SPPL2C: variants seen among roughly 807,000 people sequenced by gnomAD.
The protein encoded by SPPL2C is signal peptide peptidase like 2C.
In SPPL2C, 33 loss-of-function variants were observed where a neutral mutation model predicts 38.8. That is an observed-to-expected ratio of 0.85 (90% CI 0.64 to 1.14). SPPL2C has a LOEUF of 1.14. SPPL2C is among the 50% of genes most tolerant of loss of function. SPPL2C has a pLI of 0.00. For missense variants in SPPL2C, 899 were observed against 904.4 expected (o/e 0.99, Z 0.08); for synonymous variants, 384 against 390.7 (o/e 0.98, Z 0.20).
At position 45,845,809 on chromosome 17, in the gene SPPL2C, G is replaced by A; in HGVS notation, c.903G>A (p.Val301=). 6.2e-7 allele frequency: 1 copy of A among 1,609,058 alleles called. No homozygotes were observed. The highest frequency in any genetic ancestry group is 8.5e-7 in the Non-Finnish European group (1 of 1,179,960). ...TCTACAGCTGCCTGTCACCCCTGGT[G>A]TGCCGCCTGTCCCTGCGGCAATACC... The part of the protein sequence containing the change: ...IGLYSCLSPL[V]CRLSLRQYQR... The change falls in exon 1 of 1, where the codon GTG becomes GTA. Residue 301 remains valine, a synonymous_variant. Coordinates refer to ENST00000329196, the MANE Select transcript of SPPL2C (RefSeq NM_175882.3).
At position 45,846,296 on chromosome 17, in the gene SPPL2C, G is replaced by C. The variant is rs201357963; in HGVS notation, c.1390G>C (p.Val464Leu). The change falls in exon 1 of 1, where the codon GTG becomes CTG. Residue 464 changes from valine (V) to leucine (L), a missense_variant. Val to Leu is a conservative substitution (Grantham distance 32, BLOSUM62 1). Coordinates refer to ENST00000329196, the MANE Select transcript of SPPL2C (RefSeq NM_175882.3). ...FLVAYCCRFD[V>L]QVCSRQIYFV... ...GGTTGCTTACTGTTGCCGCTTTGAT[G>C]TGCAAGTCTGCTCCCGTCAGATCTA... 10 of 1,614,092 alleles carry C rather than the reference G, an allele frequency of 6.2e-6. No homozygotes were observed. Among genetic ancestry groups the C allele is most frequent in the Non-Finnish European group, 8.5e-6 (10 of 1,180,036 alleles).
At position 45,846,954 on chromosome 17, in the gene SPPL2C, C is replaced by A. The variant is rs887550579; in HGVS notation, c.2048C>A (p.Pro683His). Residue 683 changes from proline (P) to histidine (H), a missense_variant, in exon 1 of 1, where the codon CCC becomes CAC. Transcript: ENST00000329196. ...AGAAAGAGCATGTCGACCCAGGCTC[C>A]CTTGTGAACTGGAGGCACTGGGACA... ...KVRKSMSTQA[P>H]L 2 of 1,560,240 alleles carry A rather than the reference C, an allele frequency of 1.3e-6. No homozygotes were observed. Among genetic ancestry groups the A allele is most frequent in the East Asian group, 4.5e-5 (2 of 44,208 alleles).
Position 45,845,423 on chromosome 17 carries a change from G to C in SPPL2C, c.517G>C (p.Val173Leu). 2 of 1,612,696 alleles carry C rather than the reference G, an allele frequency of 1.2e-6. No individual in the cohort carries two copies. The highest frequency in any genetic ancestry group is 1.7e-6 in the Non-Finnish European group (2 of 1,180,030). ...SHTRGEAVVR[V>L]AMYAPPEPII... Reference sequence around the variant, plus strand: ...CACTCGTGGGGAGGCCGTCGTCCGCGTGGCCATGTACGCACCCCCAGAGCC... The same window carrying C: ...CACTCGTGGGGAGGCCGTCGTCCGCCTGGCCATGTACGCACCCCCAGAGCC... Residue 173 changes from valine to leucine, a missense_variant, in exon 1 of 1, where the codon GTG becomes CTG. Coordinates refer to ENST00000329196, the MANE Select transcript of SPPL2C (RefSeq NM_175882.3).
At position 45,846,564 on chromosome 17, in the gene SPPL2C, CA is replaced by C; in HGVS notation, c.1659del (p.Asp554MetfsTer19). 6.2e-7 allele frequency: 1 copy of C among 1,613,252 alleles called. No individual in the cohort carries two copies. Among genetic ancestry groups the C allele is most frequent in the Non-Finnish European group, 8.5e-7 (1 of 1,180,012 alleles). On this transcript the variant is annotated frameshift_variant, in exon 1 of 1. Coordinates refer to ENST00000329196, the MANE Select transcript of SPPL2C (RefSeq NM_175882.3). LOFTEE classifies it high-confidence loss of function. ...AGSRQKQEGA[A>X]DAHTASTLER... ...TCTAGGCAGAAGCAGGAGGGCGCAG[CA>C]GATGCCCACACAGCCAGCACACTTG...
In SPPL2C at chr17:45,845,284, C is replaced by A. The variant is rs2143331543; in HGVS notation, c.378C>A (p.Asp126Glu). Residue 126 changes from aspartate (D) to glutamate (E), a missense_variant, in exon 1 of 1, where the codon GAC becomes GAA. By Grantham distance (45) the Asp-to-Glu change is conservative. Transcript: ENST00000329196. ...TGCTCATCGTGAGCCGGGTCAGTGA[C>A]CAACAGTGCTCAGACACCACCCTGG... ...HGLLIVSRVS[D>E]QQCSDTTLAP... The A allele has an allele frequency of 6.2e-7, 1 of 1,614,008 alleles. No homozygotes were observed. The highest frequency in any genetic ancestry group is 1.3e-5 in the African/African-American group (1 of 75,060).
In SPPL2C at chr17:45,845,981, T is replaced by A. The variant is rs2062540339; in HGVS notation, c.1075T>A (p.Tyr359Asn). The stretch of plus-strand genomic sequence containing the variant: ...CCTGCAGGACACACTGGGCATTTCC[T>A]ACTGCCTGTTCGTCCTGCACCGTGT... ...WLLQDTLGIS[Y>N]CLFVLHRVRL... Residue 359 changes from tyrosine to asparagine, a missense_variant, in exon 1 of 1, where the codon TAC becomes AAC. Coordinates refer to ENST00000329196, the MANE Select transcript of SPPL2C (RefSeq NM_175882.3). The A allele has an allele frequency of 6.2e-7, 1 of 1,612,612 alleles. No individual in the cohort carries two copies. The highest frequency in any genetic ancestry group is 8.5e-7 in the Non-Finnish European group (1 of 1,180,032).
In SPPL2C at chr17:45,846,506, A is replaced by G; in HGVS notation, c.1600A>G (p.Met534Val). ...LFWTGQGRAKMCGLGCAPSAG... is the reference protein window; with the variant it reads ...LFWTGQGRAKVCGLGCAPSAG... The stretch of plus-strand genomic sequence containing the variant: ...CTGGACTGGCCAGGGCAGAGCTAAG[A>G]TGTGTGGGCTCGGCTGTGCCCCTTC... The change falls in exon 1 of 1, where the codon ATG (methionine) becomes GTG (valine). Residue 534 changes from methionine (M) to valine (V), a missense_variant. Physicochemically the swap from Met to Val is conservative, Grantham distance 21 (BLOSUM62 1). Coordinates refer to ENST00000329196, the MANE Select transcript of SPPL2C (RefSeq NM_175882.3). The G allele has an allele frequency of 1.2e-6, 2 of 1,612,652 alleles. No homozygotes were observed. Among genetic ancestry groups the G allele is most frequent in the Non-Finnish European group, 1.7e-6 (2 of 1,179,990 alleles).
Position 45,845,738 on chromosome 17 carries a change from G to A in SPPL2C, c.832G>A (p.Val278Ile), listed in dbSNP as rs745379513. 6.2e-7 allele frequency: 1 copy of A among 1,613,362 alleles called. No individual in the cohort carries two copies. The highest frequency in any genetic ancestry group is 8.5e-7 in the Non-Finnish European group (1 of 1,180,036). The change falls in exon 1 of 1, where the codon GTC (valine) becomes ATC (isoleucine). Residue 278 changes from valine to isoleucine, a missense_variant. Physicochemically the swap from Val to Ile is conservative, Grantham distance 29. Coordinates refer to ENST00000329196, the MANE Select transcript of SPPL2C (RefSeq NM_175882.3). The stretch of plus-strand genomic sequence containing the variant: ...GCTCTACTTCTTCTATGACCACTTT[G>A]TCTATGTCACCATTGGGATCTTTGG... ...LLLYFFYDHF[V>I]YVTIGIFGLG...
Position 45,845,758 on chromosome 17 carries a change from C to A in SPPL2C, c.852C>A (p.Ile284=). ...YDHFVYVTIG[I]FGLGAGIGLY... is the part of the protein sequence containing the mutation. ...ACTTTGTCTATGTCACCATTGGGAT[C>A]TTTGGCCTGGGTGCTGGCATTGGCC... Residue 284 remains isoleucine, a synonymous_variant, in exon 1 of 1, where the codon ATC becomes ATA. Coordinates refer to ENST00000329196, the MANE Select transcript of SPPL2C (RefSeq NM_175882.3). 6.2e-7 allele frequency: 1 copy of A among 1,612,604 alleles called. No homozygotes were observed. Among genetic ancestry groups the A allele is most frequent in the Non-Finnish European group, 8.5e-7 (1 of 1,180,028 alleles).
In SPPL2C at chr17:45,846,039, T is replaced by C; in HGVS notation, c.1133T>C (p.Phe378Ser). 1 of 1,614,146 alleles carries C rather than the reference T, an allele frequency of 6.2e-7. No individual in the cohort carries two copies. The highest frequency in any genetic ancestry group is 8.5e-7 in the Non-Finnish European group (1 of 1,180,028). Residue 378 changes from phenylalanine to serine, a missense_variant, in exon 1 of 1, where the codon TTC (phenylalanine) becomes TCC (serine). By Grantham distance (155) the Phe-to-Ser change is radical. Coordinates refer to ENST00000329196, the MANE Select transcript of SPPL2C (RefSeq NM_175882.3). The stretch of plus-strand genomic sequence containing the variant: ...CCCACTCTCAAGAACTGCTCCTCCT[T>C]CCTGCTGGCCCTGCTGGCCTTTGAT... ...RLPTLKNCSS[F>S]LLALLAFDVF... is the part of the protein sequence containing the mutation.
At position 45,846,938 on chromosome 17, in the gene SPPL2C, A is replaced by T; in HGVS notation, c.2032A>T (p.Met678Leu). The change falls in exon 1 of 1, where the codon ATG (methionine) becomes TTG (leucine). Residue 678 changes from methionine (M) to leucine (L), a missense_variant. Coordinates refer to ENST00000329196, the MANE Select transcript of SPPL2C (RefSeq NM_175882.3). ...KRKGLKVRKSMSTQAPL is the reference protein window; with the variant it reads ...KRKGLKVRKSLSTQAPL ...GAAGGGTTTGAAAGTAAGAAAGAGCATGTCGACCCAGGCTCCCTTGTGAAC... is the reference window on the plus strand; with the variant it reads ...GAAGGGTTTGAAAGTAAGAAAGAGCTTGTCGACCCAGGCTCCCTTGTGAAC... The T allele has an allele frequency of 1.3e-6, 2 of 1,570,626 alleles. No homozygotes were observed. Among genetic ancestry groups the T allele is most frequent in the Non-Finnish European group, 1.7e-6 (2 of 1,159,806 alleles).
Position 45,845,626 on chromosome 17 carries a change from G to T in SPPL2C, c.720G>T (p.Gln240His), listed in dbSNP as rs754911177. 1 of 1,612,444 alleles carries T rather than the reference G, an allele frequency of 6.2e-7. No individual in the cohort carries two copies. The highest frequency in any genetic ancestry group is 8.5e-7 in the Non-Finnish European group (1 of 1,179,528). The change falls in exon 1 of 1, where the codon CAG becomes CAT. Residue 240 changes from glutamine (Q) to histidine (H), a missense_variant. By Grantham distance (24) the Gln-to-His change is conservative. Transcript: ENST00000329196. ...LQEAAAAEGA[Q>H]KEDNEDIPVD... ...AAGCTGCAGCAGCTGAGGGAGCCCA[G>T]AAGGAAGATAATGAGGACATCCCAG...
In SPPL2C at chr17:45,845,184, C is replaced by G; in HGVS notation, c.278C>G (p.Thr93Ser). The G allele has an allele frequency of 6.2e-7, 1 of 1,613,494 alleles. No homozygotes were observed. The highest frequency in any genetic ancestry group is 8.5e-7 in the Non-Finnish European group (1 of 1,179,570). Residue 93 changes from threonine to serine, a missense_variant, in exon 1 of 1, where the codon ACT becomes AGT. Physicochemically the swap from Thr to Ser is moderately conservative, Grantham distance 58 (BLOSUM62 1). Transcript: ENST00000329196. ...AGCCAGCGGCCCCTCCGCCAGACCA[C>G]TGCCATGGTCATGAGGGGTAACTGC... is the stretch of plus-strand genomic sequence containing the variant. The part of the protein sequence containing the change: ...SPSQRPLRQT[T>S]AMVMRGNCSF...
Position 45,846,769 on chromosome 17 carries a change from C to T in SPPL2C, c.1863C>T (p.Ala621=). The change falls in exon 1 of 1, where the codon GCC becomes GCT. Residue 621 remains alanine (A), a synonymous_variant. Coordinates refer to ENST00000329196, the MANE Select transcript of SPPL2C (RefSeq NM_175882.3). ...AGCTGCCCTTCATCCCCCCTGGGGC[C>T]TCGGAGGAGCTGATGCCACTGATGC... ...PNELPFIPPG[A]SEELMPLMPM... is the part of the protein sequence containing the mutation. The T allele has an allele frequency of 6.2e-7, 1 of 1,614,174 alleles. No homozygotes were observed. The highest frequency in any genetic ancestry group is 8.5e-7 in the Non-Finnish European group (1 of 1,180,042).
rs140590253 is a variant in SPPL2C, at chr17:45,846,797, A to G, written c.1891A>G (p.Met631Val). 1.2e-4 allele frequency: 193 copies of G among 1,614,042 alleles called. 2 individuals are homozygous for G. The East Asian group carries it at 4.3e-3, about 36-fold the overall frequency. Reference protein sequence around the residue: ...ASEELMPLMPMAMLIPLMPLM... With the variant: ...ASEELMPLMPVAMLIPLMPLM... ...GGAGGAGCTGATGCCACTGATGCCA[A>G]TGGCCATGCTGATCCCACTCATGCC... is the stretch of plus-strand genomic sequence containing the variant. The change falls in exon 1 of 1, where the codon ATG (methionine) becomes GTG (valine). Residue 631 changes from methionine to valine, a missense_variant. Transcript: ENST00000329196.
At position 45,846,515 on chromosome 17, in the gene SPPL2C, C is replaced by T; in HGVS notation, c.1609C>T (p.Leu537Phe). 2 of 1,612,538 alleles carry T rather than the reference C, an allele frequency of 1.2e-6. No individual in the cohort carries two copies. Among genetic ancestry groups the T allele is most frequent in the Non-Finnish European group, 1.7e-6 (2 of 1,180,014 alleles). Residue 537 changes from leucine (L) to phenylalanine (F), a missense_variant, in exon 1 of 1, where the codon CTC (leucine) becomes TTC (phenylalanine). Transcript: ENST00000329196. ...TGQGRAKMCG[L>F]GCAPSAGSRQ... ...CCAGGGCAGAGCTAAGATGTGTGGGCTCGGCTGTGCCCCTTCAGCTGGCTC... is the reference window on the plus strand; with the variant it reads ...CCAGGGCAGAGCTAAGATGTGTGGGTTCGGCTGTGCCCCTTCAGCTGGCTC...
Position 45,845,479 on chromosome 17 carries a change from C to T in SPPL2C, c.573C>T (p.Phe191=). The change falls in exon 1 of 1, where the codon TTC becomes TTT. Residue 191 remains phenylalanine (F), a synonymous_variant. Transcript: ENST00000329196. ...PIIDYNMLVI[F]ILAVGTVAAG... is the part of the protein sequence containing the mutation. ...TCGACTACAACATGCTGGTCATCTT[C>T]ATCCTGGCTGTGGGCACAGTGGCTG... 1.9e-6 allele frequency: 3 copies of T among 1,608,120 alleles called. No homozygotes were observed. Among genetic ancestry groups the T allele is most frequent in the Middle Eastern group, 1.7e-4 (1 of 6,056 alleles).
chr17:45,845,577 C>A lies in SPPL2C; in HGVS notation c.671C>A (p.Ser224Tyr), dbSNP rs770482116. Residue 224 changes from serine (S) to tyrosine (Y), a missense_variant, in exon 1 of 1, where the codon TCT becomes TAT. Coordinates refer to ENST00000329196, the MANE Select transcript of SPPL2C (RefSeq NM_175882.3). ...QRRRARRGGGSGGHHQLQEAA... is the reference protein window; with the variant it reads ...QRRRARRGGGYGGHHQLQEAA... ...CGCCGTGCCCGAAGAGGAGGGGGGT[C>A]TGGTGGTCACCATCAGCTGCAGGAA... 1.2e-6 allele frequency: 2 copies of A among 1,606,176 alleles called. No individual in the cohort carries two copies. Among genetic ancestry groups the A allele is most frequent in the Non-Finnish European group, 1.7e-6 (2 of 1,176,420 alleles).
rs1225638721 is a variant in SPPL2C, at chr17:45,845,250, C to A, written c.344C>A (p.Ala115Asp). The change falls in exon 1 of 1, where the codon GCC becomes GAC. Residue 115 changes from alanine to aspartate, a missense_variant. Coordinates refer to ENST00000329196, the MANE Select transcript of SPPL2C (RefSeq NM_175882.3). ...TKGWLAQGQGAHGLLIVSRVS... is the reference protein window; with the variant it reads ...TKGWLAQGQGDHGLLIVSRVS... Reference sequence around the variant, plus strand: ...GGCTGGCTGGCTCAGGGCCAAGGTGCCCACGGGCTGCTCATCGTGAGCCGG... The same window carrying A: ...GGCTGGCTGGCTCAGGGCCAAGGTGACCACGGGCTGCTCATCGTGAGCCGG... 15 of 1,613,828 alleles carry A rather than the reference C, an allele frequency of 9.3e-6. No homozygotes were observed. The highest frequency in any genetic ancestry group is 9.3e-6 in the Non-Finnish European group (11 of 1,179,904).
Sources: gnomAD v4.1 joint callset for allele counts on GRCh38, gnomAD v4.1.1 for gene constraint, MANE v1.5 for transcripts, NCBI Gene and HGNC (gene_info 2026-07-23, HGNC 2026-07-21) for gene names.